Variants in FSTL4 observed in about 807,000 individuals in gnomAD.
The protein encoded by FSTL4 is follistatin-related protein 4.
Under a neutral mutation model 78.2 loss-of-function variants are expected in FSTL4, and 28 were observed. The observed-to-expected ratio is 0.36, with a 90% CI of 0.27 to 0.49. The LOEUF is 0.49. Ranked by LOEUF, FSTL4 falls within the 20% of genes least tolerant of loss-of-function variation. The pLI is 0.98. For synonymous variants in FSTL4, 422 were observed against 440.5 expected, an observed-to-expected ratio of 0.96 and a Z score of 0.53; for missense variants, 922 against 1,084.9, an observed-to-expected ratio of 0.85 and a Z score of 2.11.
intron 6 of FSTL4, chr5:133,266,500 G>T (rs766873737): frequency 1.3e-5 from 2 of 152,312 alleles, no homozygotes; most frequent in African/African-American, 4.8e-5. Flanking sequence ...CCCTTCCCCA[G>T]GGCTGCCGTC....
chr5:133,755,863 C>T, the FSTL4 span, among the ~76,000 whole-genome samples: 3 of 152,316 alleles, frequency 2.0e-5, no homozygotes, highest in East Asian at 5.8e-4. Context: ...TCTTCTCTTC[C>T]CAGGGAGAAA....
At chr5:133,600,858 T>A (rs1368199984) in intron 2 of FSTL4, among the ~76,000 whole-genome samples, 1 of 152,244 alleles carries the variant, frequency 6.6e-6, no homozygotes, top group Non-Finnish European at 1.5e-5. Context: ...CATTTTAATA[T>A]CTGGTTCCTG....
At chr5:133,400,684 A>G in intron 4 of FSTL4, 54 bp downstream of exon 4, 1 of 1,549,166 alleles carries the variant, frequency 6.5e-7, no homozygotes, top group Non-Finnish European at 8.9e-7. Context: ...TCAAAAAGGC[A>G]TTGGAAGACC....
At chr5:133,446,901 G>A (rs113279306) in intron 3 of FSTL4, among the ~76,000 whole-genome samples, 5 of 152,194 alleles carry the variant, frequency 3.3e-5, no homozygotes, top group African/African-American at 1.2e-4. Flanking sequence ...TGGGCTGGTG[G>A]CTGAGGGGGT....
At chr5:133,716,670 G>T in the FSTL4 span, among the ~76,000 whole-genome samples, 1 of 152,082 alleles carries the variant, frequency 6.6e-6, no homozygotes, top group Admixed American at 6.5e-5. Flanking sequence ...TTCATTACTT[G>T]AATTCTGACG....
intron 5 of FSTL4, 69 bp from the exon 6 acceptor site, chr5:133,312,846 A>G (rs1753820106): frequency 2.0e-6 from 3 of 1,532,760 alleles, no homozygotes; most frequent in African/African-American, 2.7e-5. Context: ...GATGAAAATG[A>G]CTCAGGCCAA....
At chr5:133,742,495 G>A in the FSTL4 span, among the ~76,000 whole-genome samples, 1 of 152,230 alleles carries the variant, frequency 6.6e-6, no homozygotes, top group African/African-American at 2.4e-5. Flanking sequence ...ACTGGAGGAA[G>A]TGAAAGCTCA....
intron 3 of FSTL4, among the ~76,000 whole-genome samples, chr5:133,461,170 T>C (rs763319931): frequency 4.6e-5 from 7 of 152,218 alleles, no homozygotes; most frequent in Non-Finnish European, 5.9e-5. Flanking sequence ...CACAAATCAC[T>C]TACTCAAATT....
rs1049894552 is a variant in FSTL4 at position 133,396,725 on chromosome 5, G to C, written c.409+4013C>G. ...AACAACAACAGCAACAAAATAACAA[G>C]AAGAAGAAGAAAAAAATGGCTCTTT... On this transcript the variant is annotated intron_variant, in intron 4 of 15. Coordinates refer to ENST00000265342, the MANE Select transcript of FSTL4 (RefSeq NM_015082.2). Among the ~76,000 whole-genome samples, 92 of 152,052 alleles carry C rather than the reference G, an allele frequency of 6.1e-4. 2 individuals are homozygous for C.
At chr5:133,608,825 G>A (rs1480441714) in intron 1 of FSTL4, among the ~76,000 whole-genome samples, 2 of 152,214 alleles carry the variant, frequency 1.3e-5, no homozygotes, top group Non-Finnish European at 2.9e-5. Context: ...AATGCAAATT[G>A]TTAGGGAGAA....
chr5:133,353,847 C>A (rs1231184600), intron 4 of FSTL4, among the ~76,000 whole-genome samples: 19 of 152,232 alleles, frequency 1.2e-4, no homozygotes, highest in African/African-American at 4.3e-4. Context: ...GAGGCCAGTT[C>A]TTTGAGCAGC....
chr5:133,816,508 A>G, the FSTL4 span, among the ~76,000 whole-genome samples: 2 of 152,194 alleles, frequency 1.3e-5, no homozygotes, highest in East Asian at 1.9e-4. Context: ...GTCACTCCAC[A>G]GAAGCCTGAA....
At chr5:133,570,480 G>A (rs1318167192) in intron 2 of FSTL4, among the ~76,000 whole-genome samples, 2 of 152,068 alleles carry the variant, frequency 1.3e-5, no homozygotes, top group Non-Finnish European at 2.9e-5. Flanking sequence ...GAGACTGACT[G>A]AAAGGGAGGA....
intron 3 of FSTL4, among the ~76,000 whole-genome samples, chr5:133,543,695 G>A (rs1355946906): frequency 6.6e-6 from 1 of 151,724 alleles, no homozygotes; most frequent in Non-Finnish European, 1.5e-5. Context: ...TTGTTTGTTT[G>A]TCAAATAGCT....
intron 3 of FSTL4, among the ~76,000 whole-genome samples, chr5:133,502,893 C>T (rs1758530367): frequency 6.6e-6 from 1 of 152,170 alleles, no homozygotes; most frequent in Non-Finnish European, 1.5e-5. Context: ...TCACACAGCA[C>T]TGAATTCTTT....
intron 3 of FSTL4, among the ~76,000 whole-genome samples, chr5:133,447,145 G>C (rs987220251): frequency 1.3e-5 from 2 of 152,222 alleles, no homozygotes; most frequent in African/African-American, 2.4e-5. Context: ...AGGAGGACTT[G>C]TGTGCCAAGC....
At chr5:133,241,617 G>T (rs1307036409) in intron 7 of FSTL4, among the ~76,000 whole-genome samples, 1 of 152,228 alleles carries the variant, frequency 6.6e-6, no homozygotes, top group Non-Finnish European at 1.5e-5. Flanking sequence ...TGAGGTGCAG[G>T]CCTGAGCCCT....
the FSTL4 span, among the ~76,000 whole-genome samples, chr5:133,810,773 G>A: frequency 7.2e-5 from 11 of 152,234 alleles, no homozygotes; most frequent in South Asian, 4.2e-4. Flanking sequence ...GTCTTTGCCC[G>A]GCCAGCACCA....
the FSTL4 span, among the ~76,000 whole-genome samples, chr5:133,829,102 TCAAA>T: frequency 2.0e-5 from 3 of 152,078 alleles, no homozygotes; most frequent in African/African-American, 7.2e-5. Context: ...AAGAAAAGGC[TCAAA>T]CAGCTTGGCA....
Sources: gnomAD v4.1 joint callset for allele counts (sites outside exome capture counted in the v4.1 genomes callset) on GRCh38, gnomAD v4.1.1 for gene constraint, MANE v1.5 for transcripts, NCBI Gene and HGNC (gene_info 2026-07-23, HGNC 2026-07-21) for gene names.